Variants in SORCS3 observed in about 807,000 individuals in gnomAD.
The protein encoded by SORCS3 is sortilin related VPS10 domain containing receptor 3, also known as VPS10 domain-containing receptor SorCS3.
A neutral mutation model predicts 146.3 loss-of-function variants in SORCS3; 57 were observed. The ratio of observed to expected loss-of-function variants is 0.39; its 90% confidence interval spans 0.31 to 0.49. The LOEUF is 0.49. SORCS3 is among the 20% of genes least tolerant of loss of function. The pLI, the probability that SORCS3 is intolerant of heterozygous loss-of-function variation, is 0.92. For missense variants in SORCS3, 1,341 were observed against 1,575.5 expected, an observed-to-expected ratio of 0.85 and a Z score of 2.52; for synonymous variants, 653 against 618.5, an observed-to-expected ratio of 1.06 and a Z score of -0.83.
chr10:105,076,120 A>G (rs2055587232), intron 5 of SORCS3, among the ~76,000 whole-genome samples: 1 of 152,222 alleles, frequency 6.6e-6, no homozygotes, highest in South Asian at 2.1e-4. Context: ...CATCATTTCC[A>G]AGACCAAATC....
intron 1 of SORCS3, among the ~76,000 whole-genome samples, chr10:104,842,267 T>G (rs1033892050): frequency 6.6e-6 from 1 of 152,220 alleles, no homozygotes; most frequent in African/African-American, 2.4e-5. Flanking sequence ...GTTGGGGAAG[T>G]AGGCCTGTCT....
chr10:105,127,104 C>T (rs1347962692), intron 7 of SORCS3, among the ~76,000 whole-genome samples: 2 of 152,058 alleles, frequency 1.3e-5, no homozygotes, highest in Non-Finnish European at 2.9e-5. Flanking sequence ...GATTTTTAAA[C>T]ATGATTAACG....
At chr10:105,033,515 G>A (rs934850670) in intron 4 of SORCS3, among the ~76,000 whole-genome samples, 33 of 152,160 alleles carry the variant, frequency 2.2e-4, no homozygotes, top group African/African-American at 7.7e-4. Flanking sequence ...CAGTTTCTAT[G>A]GGGAGATTAA....
At chr10:105,159,123 C>T in intron 11 of SORCS3, 129 bp downstream of exon 11, 1 of 615,960 alleles carries the variant, frequency 1.6e-6, no homozygotes, top group East Asian at 2.9e-5. Context: ...AGAAAATATG[C>T]AGGGTTCCTC....
At chr10:105,123,151 G>A (rs909240127) in intron 7 of SORCS3, among the ~76,000 whole-genome samples, 1 of 152,182 alleles carries the variant, frequency 6.6e-6, no homozygotes, top group Non-Finnish European at 1.5e-5. Context: ...TATTAAAGAG[G>A]GTGAGGGGCC....
intron 2 of SORCS3, among the ~76,000 whole-genome samples, chr10:104,845,682 G>A (rs12249460): frequency 0.12 from 18,665 of 152,134 alleles, 2,179 homozygotes; most frequent in African/African-American, 0.31. Flanking sequence ...TGGGGGTTAG[G>A]GAGGGGAGAA....
chr10:105,253,904 G>T (rs1175329383), intron 23 of SORCS3, among the ~76,000 whole-genome samples: 1 of 152,152 alleles, frequency 6.6e-6, no homozygotes. Context: ...TCTTTATTCT[G>T]AAATAGCAAG....
intron 12 of SORCS3, among the ~76,000 whole-genome samples, chr10:105,164,750 G>A (rs539377326): frequency 1.7e-4 from 26 of 152,152 alleles, no homozygotes; most frequent in Non-Finnish European, 3.4e-4. Context: ...TTGGGGATGT[G>A]TTTCTGTATC....
chr10:104,747,064 G>A (rs149058877), intron 1 of SORCS3, among the ~76,000 whole-genome samples: 1 of 152,184 alleles, frequency 6.6e-6, no homozygotes, highest in Non-Finnish European at 1.5e-5. Context: ...GTTCATGCTT[G>A]CTCTACTAAG....
intron 3 of SORCS3, among the ~76,000 whole-genome samples, chr10:104,924,416 T>C (rs923482334): frequency 6.6e-6 from 1 of 152,212 alleles, no homozygotes; most frequent in Non-Finnish European, 1.5e-5. Context: ...TCCACGTCGG[T>C]CCTGCTGAAT....
intron 14 of SORCS3, among the ~76,000 whole-genome samples, chr10:105,186,171 T>A (rs946095560): frequency 1.3e-5 from 2 of 152,200 alleles, no homozygotes; most frequent in Admixed American, 6.5e-5. Flanking sequence ...CATGGTGAAT[T>A]GACATTATCA....
intron 1 of SORCS3, among the ~76,000 whole-genome samples, chr10:104,765,583 T>C (rs2017170217): frequency 6.6e-6 from 1 of 152,234 alleles, no homozygotes; most frequent in Non-Finnish European, 1.5e-5. Flanking sequence ...CTGTGCACTT[T>C]GTCAACAAGG....
chr10:104,682,610 G>T (rs2015992544), intron 1 of SORCS3, among the ~76,000 whole-genome samples: 1 of 152,182 alleles, frequency 6.6e-6, no homozygotes, highest in Non-Finnish European at 1.5e-5. Context: ...ACTTATGTAG[G>T]CAATAGGATG....
At chr10:104,868,483 C>T (rs545010121) in intron 2 of SORCS3, among the ~76,000 whole-genome samples, 28 of 152,340 alleles carry the variant, frequency 1.8e-4, no homozygotes, top group African/African-American at 5.8e-4. Context: ...TGCTCACTTA[C>T]ATCTTGCATT....
At chr10:104,930,061 A>G (rs2019191147) in intron 3 of SORCS3, among the ~76,000 whole-genome samples, 1 of 82,012 alleles carries the variant, frequency 1.2e-5, no homozygotes, top group Non-Finnish European at 2.2e-5. Flanking sequence ...AAAATGGCAG[A>G]GAAATAATTC....
At chr10:105,059,098 T>A (rs1201727852) in intron 5 of SORCS3, among the ~76,000 whole-genome samples, 4 of 152,170 alleles carry the variant, frequency 2.6e-5, no homozygotes, top group Non-Finnish European at 5.9e-5. Flanking sequence ...CACTAGATTT[T>A]GAGAACCAGA....
chr10:105,177,114 C>G (rs994408206), intron 13 of SORCS3, among the ~76,000 whole-genome samples: 6 of 151,830 alleles, frequency 4.0e-5, no homozygotes, highest in Non-Finnish European at 7.4e-5. Context: ...TTGAGATATT[C>G]AAGATCAGTT....
At chr10:104,802,344 G>T (rs1377266069) in intron 1 of SORCS3, among the ~76,000 whole-genome samples, 2 of 152,164 alleles carry the variant, frequency 1.3e-5, no homozygotes. Flanking sequence ...ATTTTATAGG[G>T]TTTATACAAA....
intron 3 of SORCS3, among the ~76,000 whole-genome samples, chr10:104,957,143 C>G (rs541668472): frequency 6.6e-6 from 1 of 152,130 alleles, no homozygotes; most frequent in Non-Finnish European, 1.5e-5. Flanking sequence ...TTCTAAAACC[C>G]TAGCTCAAAA....
Sources: allele counts gnomAD v4.1 joint callset (sites outside exome capture counted in the v4.1 genomes callset), GRCh38; gene constraint gnomAD v4.1.1; transcripts MANE v1.5; gene names NCBI Gene and HGNC (gene_info 2026-07-23, HGNC 2026-07-21).